SLC43A2: variants seen among roughly 807,000 people sequenced by gnomAD.
The protein encoded by SLC43A2 is solute carrier family 43 member 2.
SLC43A2 carries 38 observed loss-of-function variants against 63.2 expected under a neutral mutation model. That is an observed-to-expected ratio of 0.60 (90% CI 0.46 to 0.79). The LOEUF (loss-of-function observed/expected upper bound fraction) is 0.79. Ranked by LOEUF, SLC43A2 falls within the 30% of genes least tolerant of loss-of-function variation. SLC43A2 has a pLI of 0.00. For missense variants in SLC43A2, 644 were observed against 756.2 expected (o/e 0.85, Z 1.74); for synonymous variants, 322 against 331.0 (o/e 0.97, Z 0.30).
chr17:1,619,695 C>T (rs889616678), intron 2 of SLC43A2, among the ~76,000 whole-genome samples: 3 of 152,214 alleles, frequency 2.0e-5, no homozygotes, highest in African/African-American at 7.2e-5. Context: ...CAAATGTCAG[C>T]TCTGCCAGCA....
intron 2 of SLC43A2, among the ~76,000 whole-genome samples, chr17:1,620,655 G>A (rs1229758804): frequency 1.3e-5 from 2 of 152,096 alleles, no homozygotes; most frequent in East Asian, 3.9e-4. Context: ...GAGGTGAGCG[G>A]CTTCTCCTTC....
intron 2 of SLC43A2, among the ~76,000 whole-genome samples, chr17:1,619,174 C>A (rs938903688): frequency 1.3e-5 from 2 of 151,438 alleles, no homozygotes; most frequent in Non-Finnish European, 2.9e-5. Flanking sequence ...GCATGGTGGG[C>A]GTCTATAATC....
rs2076041874 is a variant in SLC43A2 at position 1,582,912 on chromosome 17, CT to C, written c.1350+291del. Among the ~76,000 whole-genome samples the C allele has an allele frequency of 3.3e-5, 5 of 152,300 alleles. No homozygotes were observed. The East Asian group carries it at 9.6e-4, about 29-fold the overall frequency. On this transcript the variant is annotated intron_variant, in intron 11 of 13. Transcript: ENST00000301335. ...TGGCCAACATGGCAAAACCCCATCT[CT>C]ACTGAAAATACAAAAATTAGCTGGG...
In SLC43A2 at chr17:1,577,156, G is replaced by T. The variant is rs770831798; in HGVS notation, c.1425-436C>A. Among the ~76,000 whole-genome samples the T allele has an allele frequency of 6.6e-6, 1 of 152,152 alleles. No individual in the cohort carries two copies. The highest frequency in any genetic ancestry group is 1.9e-4 in the East Asian group (1 of 5,180). ...TGGGATTACAGGCGTGAGCCACCGC[G>T]CCCGGCCCTGCTGGGTGGTTCTGCA... On this transcript the variant is annotated intron_variant, in intron 12 of 13. Coordinates refer to ENST00000301335, the MANE Select transcript of SLC43A2 (RefSeq NM_152346.3). This position sits in a 1 kb window ranked among gnomAD's most constrained non-coding sequence, Gnocchi z 4.9.
chr17:1,592,660 C>T lies in SLC43A2; in HGVS notation c.594+527G>A, dbSNP rs548068320. ...GGGTCAGAGGTGGGAGAAGCCCCTA[C>T]GGGGCCCTGGCAGACCCACAGGGTC... On this transcript the variant is annotated intron_variant, in intron 6 of 13. Transcript: ENST00000301335. Among the ~76,000 whole-genome samples, 123 of 152,260 alleles carry T rather than the reference C, an allele frequency of 8.1e-4. 1 individual carries two copies. The highest frequency in any genetic ancestry group is 5.7e-4 in the Non-Finnish European group (39 of 68,014).
rs375391595 is a variant in SLC43A2, at chr17:1,605,934, G to A, written c.501+7261C>T. On this transcript the variant is annotated intron_variant, in intron 5 of 13. Transcript: ENST00000301335. The surrounding 1 kb of genome is among the most constrained non-coding windows in gnomAD (Gnocchi z 4.9). ...GGCCGGGTCCAGTCCTGCCAATACC[G>A]CTGCCCTTTCCGTCTGAACGTGGTC... is the stretch of plus-strand genomic sequence containing the variant. Among the ~76,000 whole-genome samples, 17 of 152,266 alleles carry A rather than the reference G, an allele frequency of 1.1e-4. No homozygotes were observed. The highest frequency in any genetic ancestry group is 1.9e-4 in the African/African-American group (8 of 41,550).
chr17:1,590,901 T>C lies in SLC43A2; in HGVS notation c.979A>G (p.Ser327Gly). The part of the protein sequence containing the change: ...HSVFSPILLL[S>G]LVTMCVTQLR... ...TGCGTGACGCACATGGTGACCAGGC[T>C]GAGCAGCAGGATGGGGCTGAACACG... is the stretch of plus-strand genomic sequence containing the variant. The change falls in exon 9 of 14, where the codon AGC becomes GGC. Residue 327 changes from serine (S) to glycine (G), a missense_variant. Ser to Gly is a moderately conservative substitution (Grantham distance 56). Coordinates refer to ENST00000301335, the MANE Select transcript of SLC43A2 (RefSeq NM_152346.3). 6.4e-7 allele frequency: 1 copy of C among 1,552,276 alleles called. No individual in the cohort carries two copies. Among genetic ancestry groups the C allele is most frequent in the South Asian group, 1.2e-5 (1 of 84,104 alleles).
rs200784957 is a variant in SLC43A2 at position 1,616,672 on chromosome 17, C to G, written c.258G>C (p.Glu86Asp). Residue 86 changes from glutamate (E) to aspartate (D), a missense_variant, in exon 3 of 14, where the codon GAG becomes GAC. Glu to Asp is a conservative substitution (Grantham distance 45, BLOSUM62 2). Transcript: ENST00000301335. ...NGWLSCQAQD[E>D]MLNLAFTVGS... ...CCACAGTGAAGGCCAAATTTAGCAT[C>G]TCGTCCTGGGCCTGGCAGCTGAGCC... 1 of 1,614,196 alleles carries G rather than the reference C, an allele frequency of 6.2e-7. No individual in the cohort carries two copies. Among genetic ancestry groups the G allele is most frequent in the South Asian group, 1.1e-5 (1 of 91,090 alleles).
Position 1,575,493 on chromosome 17 carries a change from T to C in SLC43A2, c.*111A>G. 3 of 1,424,696 alleles carry C rather than the reference T, an allele frequency of 2.1e-6. No individual in the cohort carries two copies. The highest frequency in any genetic ancestry group is 2.9e-6 in the Non-Finnish European group (3 of 1,018,394). The allele number at this position is 1,424,696 out of a possible 1,614,324, so 88.3% of individuals were successfully genotyped here. On this transcript the variant is annotated 3_prime_UTR_variant, in exon 14 of 14. Coordinates refer to ENST00000301335, the MANE Select transcript of SLC43A2 (RefSeq NM_152346.3). ...GGGCCCCGGGAGGGAGCGTGAACGC[T>C]GGCACGGAGACGGCGAAGGTCCTGG...
chr17:1,604,913 ATAATGGC>A, intron 5 of SLC43A2: 1 of 1,530,900 alleles, frequency 6.5e-7, no homozygotes, highest in Non-Finnish European at 8.7e-7. Flanking sequence ...TCAGCTGCGC[ATAATGGC>A]TGTTCGAAGC....
At chr17:1,598,114 C>T (rs112301344) in intron 5 of SLC43A2, among the ~76,000 whole-genome samples, 65 of 152,058 alleles carry the variant, frequency 4.3e-4, no homozygotes, top group East Asian at 4.3e-3. Context: ...CCAGCACAGC[C>T]GGCGCAAAGA....
chr17:1,615,040 A>C lies in SLC43A2; in HGVS notation c.369-6T>G. ...AGGAAACCGCGAAGCAGGCGCTAAA[A>C]CCAAGCAGAAACGCAATGTTATTTA... On this transcript the variant is annotated splice_polypyrimidine_tract_variant and splice_region_variant and intron_variant, in intron 3 of 13. Coordinates refer to ENST00000301335, the MANE Select transcript of SLC43A2 (RefSeq NM_152346.3). 6.2e-7 allele frequency: 1 copy of C among 1,613,728 alleles called. No individual in the cohort carries two copies. Among genetic ancestry groups the C allele is most frequent in the Non-Finnish European group, 8.5e-7 (1 of 1,179,848 alleles).
chr17:1,622,302 G>A (rs1025531459), intron 2 of SLC43A2, among the ~76,000 whole-genome samples: 2 of 152,232 alleles, frequency 1.3e-5, no homozygotes, highest in Admixed American at 6.5e-5. Flanking sequence ...GGTGGCTCAC[G>A]CCTGTAATCC....
chr17:1,604,466 GCT>G (rs546799812), intron 5 of SLC43A2: 104 of 508,702 alleles, frequency 2.0e-4, no homozygotes, highest in African/African-American at 1.9e-3. Flanking sequence ...CTTTTGACCT[GCT>G]CTGTTTCTGA....
intron 4 of SLC43A2, among the ~76,000 whole-genome samples, chr17:1,614,458 C>T (rs1598485949): frequency 1.9e-5 from 1 of 52,596 alleles, no homozygotes; most frequent in African/African-American, 5.9e-5. Context: ...CAAACAGCAG[C>T]GAGCAGGAGG....
Position 1,605,356 on chromosome 17 carries a change from G to C in SLC43A2, c.501+7839C>G. ...ATTCTGGCCATAGAGCATGACCACCGGACAGGAGTGCCTGCAGGGCCAAGG... is the reference window on the plus strand; with the variant it reads ...ATTCTGGCCATAGAGCATGACCACCCGACAGGAGTGCCTGCAGGGCCAAGG... On this transcript the variant is annotated intron_variant, in intron 5 of 13. Transcript: ENST00000301335. The surrounding 1 kb of genome is among the most constrained non-coding windows in gnomAD (Gnocchi z 4.9). 2.3e-6 allele frequency: 1 copy of C among 429,580 alleles called. No individual in the cohort carries two copies. 26.6% of individuals were successfully genotyped at this position (429,580 alleles called of 1,614,324 possible). A position where few individuals can be genotyped will look rare whatever the true frequency, so the allele number is the denominator to read the frequency against.
Position 1,583,367 on chromosome 17 carries a change from A to G in SLC43A2, c.1218-31T>C. ...GAGACACAGAACGTGCAGGGGTGGG[A>G]GGGCTCCCCGGAGGAAGCCGGGTGC... On this transcript the variant is annotated intron_variant, in intron 10 of 13. Coordinates refer to ENST00000301335, the MANE Select transcript of SLC43A2 (RefSeq NM_152346.3). The surrounding 1 kb of genome is among the most constrained non-coding windows in gnomAD (Gnocchi z 5.5). 2 of 1,608,460 alleles carry G rather than the reference A, an allele frequency of 1.2e-6. No homozygotes were observed. Among genetic ancestry groups the G allele is most frequent in the Non-Finnish European group, 1.7e-6 (2 of 1,175,410 alleles).
intron 11 of SLC43A2, among the ~76,000 whole-genome samples, chr17:1,582,086 G>GTT (rs963799289): frequency 7.5e-6 from 1 of 132,718 alleles, no homozygotes; most frequent in African/African-American, 2.8e-5. Context: ...GTTTTTTTTG[G>GTT]TTTTTTTTTC....
In SLC43A2 at chr17:1,627,818, G is replaced by C; in HGVS notation, c.57C>G (p.Ala19=). 5 of 1,592,674 alleles carry C rather than the reference G, an allele frequency of 3.1e-6. No homozygotes were observed. Among genetic ancestry groups the C allele is most frequent in the Non-Finnish European group, 4.3e-6 (5 of 1,169,984 alleles). Residue 19 remains alanine (A), a synonymous_variant, in exon 2 of 14, where the codon GCC becomes GCG. Transcript: ENST00000301335. ...HRRRWWMACT[A]VLENLLFSAV... is the part of the protein sequence containing the mutation. ...CCGAGAAGAGGAGGTTCTCCAGCAC[G>C]GCCGTGCAGGCCATCCACCAGCGGC...
Sources: gnomAD v4.1 joint callset for allele counts (sites outside exome capture counted in the v4.1 genomes callset) on GRCh38, gnomAD v4.1.1 for gene constraint, Gnocchi (gnomAD v3.1) non-coding constraint, MANE v1.5 for transcripts, NCBI Gene and HGNC (gene_info 2026-07-23, HGNC 2026-07-21) for gene names.